NCS1: variants seen among roughly 807,000 people sequenced by gnomAD.
The protein encoded by NCS1 is frequenin homolog.
NCS1 carries 6 observed loss-of-function variants against 28.4 expected under a neutral mutation model. The ratio of observed to expected loss-of-function variants is 0.21; its 90% confidence interval spans 0.12 to 0.42. NCS1 has a LOEUF of 0.42. Ranked by LOEUF, NCS1 falls within the 10% of genes least tolerant of loss-of-function variation. The pLI is 1.00. For missense variants in NCS1, 131 were observed against 241.4 expected (o/e 0.54, Z 3.03); for synonymous variants, 86 against 99.3 (o/e 0.87, Z 0.79).
At chr9:130,208,256 T>C (rs1833055560) in intron 2 of NCS1, among the ~76,000 whole-genome samples, 1 of 149,788 alleles carries the variant, frequency 6.7e-6, no homozygotes, top group Non-Finnish European at 1.5e-5. Context: ...TCTGGTGGAT[T>C]ATGTGTCCTA....
rs528000080 is a variant in NCS1, at chr9:130,236,804, G to C, written c.*3832G>C. On this transcript the variant is annotated 3_prime_UTR_variant, in exon 8 of 8. Coordinates refer to ENST00000372398, the MANE Select transcript of NCS1 (RefSeq NM_014286.4). ...ACCTCACTCCCAGCCTGACTCGGTGGCTGGCTTCCTTCAGGACTTTGCGCA... is the reference window on the plus strand; with the variant it reads ...ACCTCACTCCCAGCCTGACTCGGTGCCTGGCTTCCTTCAGGACTTTGCGCA... 1.3e-5 allele frequency: 2 copies of C among 152,274 alleles called. No homozygotes were observed. Among genetic ancestry groups the C allele is most frequent in the South Asian group, 4.2e-4 (2 of 4,800 alleles). The allele number at this position is 152,274 out of a possible 1,614,324, so 9.4% of individuals were successfully genotyped here. A position where few individuals can be genotyped will look rare whatever the true frequency, so the allele number is the denominator to read the frequency against.
intron 7 of NCS1, among the ~76,000 whole-genome samples, chr9:130,231,148 CA>C (rs1554912060): frequency 6.6e-6 from 1 of 151,816 alleles, no homozygotes; most frequent in African/African-American, 2.4e-5. Context: ...CCAAAGAGTT[CA>C]AGACCAGCCT....
intron 2 of NCS1, among the ~76,000 whole-genome samples, chr9:130,213,052 G>T (rs1013185520): frequency 6.6e-6 from 1 of 152,190 alleles, no homozygotes; most frequent in African/African-American, 2.4e-5. Context: ...AGGAGGTTAC[G>T]TAATGTTTGG....
intron 1 of NCS1, among the ~76,000 whole-genome samples, chr9:130,189,909 T>TATATATA (rs1564704684): frequency 3.2e-5 from 4 of 125,748 alleles, no homozygotes; most frequent in African/African-American, 1.3e-4. Flanking sequence ...TATATATATA[T>TATATATA]TCCCAAGGTC....
intron 2 of NCS1, among the ~76,000 whole-genome samples, chr9:130,203,329 T>C (rs1030524849): frequency 6.6e-6 from 1 of 152,132 alleles, no homozygotes; most frequent in East Asian, 1.9e-4. Context: ...TTGGCCAGGC[T>C]GGTCTTGAAC....
intron 4 of NCS1, among the ~76,000 whole-genome samples, chr9:130,221,393 TATATATATATATATATATATAGAGAG>T (rs1166565512): frequency 1.0e-3 from 58 of 56,680 alleles, no homozygotes; most frequent in African/African-American, 3.6e-3. Context: ...TATATATATA[TATATATATATATATATATATAGAGAG>T]AGAGAGAGAG....
chr9:130,176,348 A>G (rs1285647386), intron 1 of NCS1, among the ~76,000 whole-genome samples: 1 of 151,562 alleles, frequency 6.6e-6, no homozygotes, highest in Non-Finnish European at 1.5e-5. Flanking sequence ...GTACAACACC[A>G]CACCTGGCTA....
At chr9:130,173,016 C>A (rs1295738072) in intron 1 of NCS1, among the ~76,000 whole-genome samples, 1 of 152,146 alleles carries the variant, frequency 6.6e-6, no homozygotes, top group South Asian at 2.1e-4. Context: ...GGCCCCCTCT[C>A]CGCAGAGCTG....
intron 6 of NCS1, among the ~76,000 whole-genome samples, chr9:130,223,456 T>C (rs1554910917): frequency 6.6e-6 from 1 of 152,138 alleles, no homozygotes; most frequent in East Asian, 1.9e-4. Context: ...ATAATGGCTT[T>C]AAGCGCATAA....
At chr9:130,216,754 A>C (rs1554909445) in intron 2 of NCS1, among the ~76,000 whole-genome samples, 2 of 150,574 alleles carry the variant, frequency 1.3e-5, no homozygotes, top group Non-Finnish European at 2.9e-5. Flanking sequence ...GTACCTTCTC[A>C]GGGCCATTAG....
Position 130,178,540 on chromosome 9 carries a change from G to C in NCS1, c.64+5813G>C, listed in dbSNP as rs139918787. Among the ~76,000 whole-genome samples, 815 of 152,340 alleles carry C rather than the reference G, an allele frequency of 5.3e-3. 5 individuals carry two copies. Among genetic ancestry groups the C allele is most frequent in the African/African-American group, 0.019 (784 of 41,578 alleles). ...TTGGGGCAAGGCATGGGCAGTGGAG[G>C]GGGGTGGTGTCCTGTCGAGTGGGCC... is the stretch of plus-strand genomic sequence containing the variant. On this transcript the variant is annotated intron_variant, in intron 1 of 7. Coordinates refer to ENST00000372398, the MANE Select transcript of NCS1 (RefSeq NM_014286.4).
At chr9:130,182,858 G>T (rs1302563607) in intron 1 of NCS1, among the ~76,000 whole-genome samples, 1 of 152,226 alleles carries the variant, frequency 6.6e-6, no homozygotes, top group Non-Finnish European at 1.5e-5. Context: ...CTCAGCCCAG[G>T]TGCCTTCGGA....
intron 2 of NCS1, among the ~76,000 whole-genome samples, chr9:130,212,827 C>T (rs1409789394): frequency 2.6e-5 from 4 of 152,138 alleles, no homozygotes; most frequent in African/African-American, 7.2e-5. Context: ...AGGGAGTGTG[C>T]AGCTGCTTCA....
At chr9:130,222,816 TG>T in intron 5 of NCS1, 78 bp downstream of exon 5, 1 of 1,438,794 alleles carries the variant, frequency 7.0e-7, no homozygotes, top group African/African-American at 1.4e-5. Flanking sequence ...AGAGAGCACT[TG>T]TGCAGCCATG....
At chr9:130,216,437 C>T (rs924956174) in intron 2 of NCS1, among the ~76,000 whole-genome samples, 3 of 152,180 alleles carry the variant, frequency 2.0e-5, no homozygotes, top group Non-Finnish European at 4.4e-5. Context: ...CTTCCTCGGC[C>T]GGGCACTGTG....
rs937113440 is a variant in NCS1 at position 130,175,855 on chromosome 9, A to C, written c.64+3128A>C. Among the ~76,000 whole-genome samples the C allele has an allele frequency of 7.2e-5, 11 of 152,234 alleles. No individual in the cohort carries two copies. The highest frequency in any genetic ancestry group is 7.2e-4 in the Admixed American group (11 of 15,290). Reference sequence around the variant, plus strand: ...AGCCAAGACTTAGACAGTGGCAGTCAGCATTGCGGGCGGCCCAGTTTCTTT... The same window carrying C: ...AGCCAAGACTTAGACAGTGGCAGTCCGCATTGCGGGCGGCCCAGTTTCTTT... On this transcript the variant is annotated intron_variant, in intron 1 of 7. Transcript: ENST00000372398. This position sits in a 1 kb window ranked among gnomAD's most constrained non-coding sequence, Gnocchi z 4.9.
intron 1 of NCS1, among the ~76,000 whole-genome samples, chr9:130,187,785 C>G (rs996125949): frequency 6.6e-6 from 1 of 152,204 alleles, no homozygotes; most frequent in Non-Finnish European, 1.5e-5. Flanking sequence ...GGGAGCCTCA[C>G]AGTGCTTCCA....
rs188820451 is a variant in NCS1, at chr9:130,180,896, G to C, written c.64+8169G>C. 2.0e-5 allele frequency among the ~76,000 whole-genome samples: 3 copies of C among 152,200 alleles called. No individual in the cohort carries two copies. The highest frequency in any genetic ancestry group is 2.0e-4 in the Admixed American group (3 of 15,280). ...TGGTGGCCCGGCTGGGTTGGTGGCC[G>C]GATTGTTCTGTGTCTGGCTCCTGGC... On this transcript the variant is annotated intron_variant, in intron 1 of 7. Coordinates refer to ENST00000372398, the MANE Select transcript of NCS1 (RefSeq NM_014286.4). The surrounding 1 kb of genome is among the most constrained non-coding windows in gnomAD (Gnocchi z 4.5).
At chr9:130,212,944 TG>T (rs1833131933) in intron 2 of NCS1, among the ~76,000 whole-genome samples, 1 of 152,078 alleles carries the variant, frequency 6.6e-6, no homozygotes, top group African/African-American at 2.4e-5. Context: ...GGTAGAGGCC[TG>T]GGGGTGGCTG....
Sources: allele counts gnomAD v4.1 joint callset (sites outside exome capture counted in the v4.1 genomes callset), GRCh38; gene constraint gnomAD v4.1.1; non-coding constraint Gnocchi (gnomAD v3.1); transcripts MANE v1.5; gene names NCBI Gene and HGNC (gene_info 2026-07-23, HGNC 2026-07-21).